The following PKP4 variants were observed in gnomAD, a reference collection of about 807,000 sequenced individuals.
PKP4 encodes plakophilin-4.
PKP4 carries 90 observed loss-of-function variants against 145.1 expected under a neutral mutation model. The ratio of observed to expected loss-of-function variants is 0.62; its 90% confidence interval spans 0.52 to 0.74. The LOEUF (loss-of-function observed/expected upper bound fraction) is 0.74. Ranked by LOEUF, PKP4 falls within the 30% of genes least tolerant of loss-of-function variation. The pLI, the probability that PKP4 is intolerant of heterozygous loss-of-function variation, is 0.00. For synonymous variants in PKP4, 563 were observed against 577.2 expected (o/e 0.98, Z 0.35); for missense variants, 1,340 against 1,482.7 (o/e 0.90, Z 1.58).
intron 1 of PKP4, among the ~76,000 whole-genome samples, chr2:158,479,069 A>G (rs1292076123): frequency 6.6e-6 from 1 of 152,210 alleles, no homozygotes; most frequent in Non-Finnish European, 1.5e-5. Context: ...CCAAGCCAGC[A>G]TTCTCGAGGA....
At chr2:158,513,089 T>C (rs2041651402) in intron 1 of PKP4, among the ~76,000 whole-genome samples, 2 of 152,172 alleles carry the variant, frequency 1.3e-5, no homozygotes, top group African/African-American at 2.4e-5. Context: ...TGTTTCATAC[T>C]AACTATCCTC....
intron 3 of PKP4, among the ~76,000 whole-genome samples, chr2:158,586,726 GTTGT>G (rs1449718207): frequency 6.6e-6 from 1 of 152,204 alleles, no homozygotes; most frequent in Non-Finnish European, 1.5e-5. Context: ...CTCTACAGAA[GTTGT>G]TTATCTAGAG....
At chr2:158,597,167 A>G (rs1574692806) in intron 3 of PKP4, among the ~76,000 whole-genome samples, 1 of 152,220 alleles carries the variant, frequency 6.6e-6, no homozygotes. Context: ...CTGGTGCTCA[A>G]TAAATGATCA....
chr2:158,592,655 A>G (rs1018765479), intron 3 of PKP4, among the ~76,000 whole-genome samples: 8 of 152,144 alleles, frequency 5.3e-5, no homozygotes, highest in African/African-American at 1.9e-4. Flanking sequence ...CAGAAAGTGA[A>G]TATCATTCTT....
At chr2:158,585,823 G>A (rs1350615808) in intron 3 of PKP4, among the ~76,000 whole-genome samples, 2 of 135,976 alleles carry the variant, frequency 1.5e-5, no homozygotes, top group Non-Finnish European at 3.1e-5. Context: ...ACAATTCAGT[G>A]TTTTTAAGTA....
intron 1 of PKP4, among the ~76,000 whole-genome samples, chr2:158,469,423 C>A (rs547103068): frequency 4.6e-5 from 7 of 152,218 alleles, no homozygotes; most frequent in African/African-American, 7.2e-5. Context: ...TTTTCTTATC[C>A]CCTCCTTCCC....
At chr2:158,608,402 CCTCAAGTA>C (rs1228968574) in intron 4 of PKP4, among the ~76,000 whole-genome samples, 3 of 152,044 alleles carry the variant, frequency 2.0e-5, no homozygotes, top group Admixed American at 1.3e-4. Context: ...CCAAATAGCT[CCTCAAGTA>C]CTCAAGTACT....
chr2:158,628,083 C>T (rs1264051404), intron 7 of PKP4, among the ~76,000 whole-genome samples: 2 of 151,886 alleles, frequency 1.3e-5, no homozygotes, highest in Non-Finnish European at 2.9e-5. Context: ...CGGGTTCAAG[C>T]GATTCTTCTG....
At chr2:158,486,634 G>C (rs1574054900) in intron 1 of PKP4, among the ~76,000 whole-genome samples, 2 of 152,310 alleles carry the variant, frequency 1.3e-5, no homozygotes, top group Admixed American at 1.3e-4. Context: ...AAACTATAAG[G>C]CAGAGAATAG....
chr2:158,479,909 C>G (rs1237097075), intron 1 of PKP4, among the ~76,000 whole-genome samples: 1 of 152,122 alleles, frequency 6.6e-6, no homozygotes, highest in African/African-American at 2.4e-5. Flanking sequence ...TAAACTGGTT[C>G]CACAGTTTTG....
intron 1 of PKP4, among the ~76,000 whole-genome samples, chr2:158,532,572 T>C (rs2043661278): frequency 6.6e-6 from 1 of 152,260 alleles, no homozygotes; most frequent in Non-Finnish European, 1.5e-5. Flanking sequence ...CAGTAAGTCT[T>C]TTGACAAACA....
chr2:158,669,949 C>T lies in PKP4; in HGVS notation c.2924+34C>T, dbSNP rs13396528. 173,007 of 1,538,748 alleles carry T rather than the reference C, an allele frequency of 0.11. 10,238 individuals are homozygous for T. Among genetic ancestry groups the T allele is most frequent in the Middle Eastern group, 0.18 (987 of 5,630 alleles). On this transcript the variant is annotated intron_variant, in intron 17 of 21. Transcript: ENST00000389759. The stretch of plus-strand genomic sequence containing the variant: ...GCGGCAAGGAGGTGCAAGCAGTGCT[C>T]TTATTCCTGAGATTGTCCTGTGATG...
At chr2:158,639,930 G>T (rs894569444) in intron 9 of PKP4, among the ~76,000 whole-genome samples, 2 of 151,994 alleles carry the variant, frequency 1.3e-5, no homozygotes, top group African/African-American at 4.8e-5. Context: ...TAAAATGCCT[G>T]GAATAGTGCC....
intron 1 of PKP4, among the ~76,000 whole-genome samples, chr2:158,460,399 C>A (rs1440768677): frequency 6.6e-6 from 1 of 152,046 alleles, no homozygotes; most frequent in Non-Finnish European, 1.5e-5. Context: ...TGTAAATAGG[C>A]AAAGTAAATT....
intron 2 of PKP4, among the ~76,000 whole-genome samples, chr2:158,554,251 C>T (rs1224216891): frequency 1.3e-5 from 2 of 152,100 alleles, no homozygotes; most frequent in Non-Finnish European, 2.9e-5. Flanking sequence ...CAGTTCACCT[C>T]CTGCTGTGGG....
chr2:158,563,240 TACTC>T, intron 2 of PKP4, among the ~76,000 whole-genome samples: 2 of 152,272 alleles, frequency 1.3e-5, no homozygotes, highest in East Asian at 3.9e-4. Context: ...AAACAACTCT[TACTC>T]TATTTTATTT....
At chr2:158,481,056 T>A (rs1165126709) in intron 1 of PKP4, among the ~76,000 whole-genome samples, 1 of 152,222 alleles carries the variant, frequency 6.6e-6, no homozygotes, top group Non-Finnish European at 1.5e-5. Context: ...GTGTTTCTTT[T>A]TAAATTAATT....
At chr2:158,502,496 C>T (rs78699986) in intron 1 of PKP4, among the ~76,000 whole-genome samples, 1,846 of 152,314 alleles carry the variant, frequency 0.012, 20 homozygotes, top group Non-Finnish European at 0.019. Flanking sequence ...GAAGGCCTCA[C>T]CTTGAGTTCT....
chr2:158,522,858 G>C (rs1311379734), intron 1 of PKP4, among the ~76,000 whole-genome samples: 3 of 152,210 alleles, frequency 2.0e-5, no homozygotes, highest in Non-Finnish European at 4.4e-5. Flanking sequence ...CCGAGTCAAA[G>C]AAAGGGGTGA....
Sources: allele counts gnomAD v4.1 joint callset (sites outside exome capture counted in the v4.1 genomes callset), GRCh38; gene constraint gnomAD v4.1.1; transcripts MANE v1.5; gene names NCBI Gene and HGNC (gene_info 2026-07-23, HGNC 2026-07-21).